Variants in TM4SF18 observed in about 807,000 individuals in gnomAD.
TM4SF18 encodes the protein transmembrane 4 L6 family member 18.
A neutral mutation model predicts 23.8 loss-of-function variants in TM4SF18; 22 were observed. The ratio of observed to expected loss-of-function variants is 0.92; its 90% CI spans 0.66 to 1.32. TM4SF18 has a LOEUF of 1.32. Ranked by LOEUF, TM4SF18 falls within the 40% of genes most tolerant of loss-of-function variation. The pLI is 0.00. For synonymous variants in TM4SF18, 87 were observed against 87.9 expected, an observed-to-expected ratio of 0.99 and a Z score of 0.06; for missense variants, 255 against 240.3, an observed-to-expected ratio of 1.06 and a Z score of -0.41.
At chr3:149,324,808 A>G (rs760247601) in intron 4 of TM4SF18, 72 bp downstream of exon 4, 1 of 1,587,616 alleles carries the variant, frequency 6.3e-7, no homozygotes, top group Non-Finnish European at 8.6e-7. Context: ...ATGGAAAATG[A>G]GCGTGAGCTT....
At position 149,318,675 on chromosome 3, in the gene TM4SF18, TA is replaced by T. The variant is rs1730727416; in HGVS notation, c.*2802del. 1 of 152,218 alleles carries T rather than the reference TA, an allele frequency of 6.6e-6. No individual in the cohort carries two copies. The highest frequency in any genetic ancestry group is 6.5e-5 in the Admixed American group (1 of 15,282). The allele number at this position is 152,218 out of a possible 1,614,324, so 9.4% of individuals were successfully genotyped here. ...ACTTATGCTTTCTTTTTTCAGCCTA[TA>T]GCATCTGGTCTCCCATCCAAGTAAT... is the stretch of plus-strand genomic sequence containing the variant. On this transcript the variant is annotated 3_prime_UTR_variant, in exon 6 of 6. Transcript: ENST00000296059.
At chr3:149,322,193 C>T in intron 5 of TM4SF18, 63 bp downstream of exon 5, 1 of 1,410,428 alleles carries the variant, frequency 7.1e-7, no homozygotes, top group Non-Finnish European at 9.7e-7. Context: ...CAAAAAGCCT[C>T]ATTGAATCCT....
At chr3:149,331,145 C>A (rs934265119) in intron 2 of TM4SF18, among the ~76,000 whole-genome samples, 1 of 152,034 alleles carries the variant, frequency 6.6e-6, no homozygotes, top group African/African-American at 2.4e-5. Flanking sequence ...AATTCTCCAC[C>A]CATTTTTTTA....
rs940874885 is a variant in TM4SF18 at position 149,321,097 on chromosome 3, TCTTTA to T, written c.*376_*380del. On this transcript the variant is annotated 3_prime_UTR_variant, in exon 6 of 6. Coordinates refer to ENST00000296059, the MANE Select transcript of TM4SF18 (RefSeq NM_138786.4). ...AGAAAACATTTACAGTATGTACCAC[TCTTTA>T]CTTAATCCTTCCTCTGAGTTTAGAA... The T allele has an allele frequency of 2.3e-4, 37 of 160,870 alleles. No individual in the cohort carries two copies. The highest frequency in any genetic ancestry group is 8.8e-4 in the African/African-American group (37 of 41,912). The allele number at this position is 160,870 out of a possible 1,614,324, so 10.0% of individuals were successfully genotyped here.
chr3:149,324,925 C>T lies in TM4SF18; in HGVS notation c.365G>A (p.Arg122His), dbSNP rs151260047. 2.8e-4 allele frequency: 452 copies of T among 1,614,114 alleles called. 1 individual carries two copies. In the South Asian group the frequency reaches 2.9e-3, roughly 10 times the overall value. ...AGCATACTCCCAGCCATCAAGGGTGCGGCAATATGGCCCTTGGACAAGACC... is the reference window on the plus strand; with the variant it reads ...AGCATACTCCCAGCCATCAAGGGTGTGGCAATATGGCCCTTGGACAAGACC... ...ALGLVQGPYCRTLDGWEYAFE... is the reference protein window; with the variant it reads ...ALGLVQGPYCHTLDGWEYAFE... The change falls in exon 4 of 6, where the codon CGC becomes CAC. Residue 122 changes from arginine to histidine, a missense_variant. Physicochemically the swap from Arg to His is conservative, Grantham distance 29. Coordinates refer to ENST00000296059, the MANE Select transcript of TM4SF18 (RefSeq NM_138786.4).
intron 3 of TM4SF18, among the ~76,000 whole-genome samples, chr3:149,326,734 A>T (rs1411508901): frequency 6.6e-6 from 1 of 152,104 alleles, no homozygotes; most frequent in African/African-American, 2.4e-5. Flanking sequence ...CTTCTAATTC[A>T]TTGTGCTATA....
At chr3:149,328,579 T>C (rs1417900652) in intron 3 of TM4SF18, among the ~76,000 whole-genome samples, 1 of 152,234 alleles carries the variant, frequency 6.6e-6, no homozygotes, top group East Asian at 1.9e-4. Context: ...TGAAGATTAA[T>C]TGCCAATATT....
chr3:149,322,012 G>A (rs1317196499), intron 5 of TM4SF18, among the ~76,000 whole-genome samples: 1 of 152,190 alleles, frequency 6.6e-6, no homozygotes, highest in Non-Finnish European at 1.5e-5. Flanking sequence ...AAACACTTAT[G>A]AAGCCTTACC....
chr3:149,332,069 G>A (rs574987895), intron 2 of TM4SF18, among the ~76,000 whole-genome samples: 1 of 152,182 alleles, frequency 6.6e-6, no homozygotes, highest in South Asian at 2.1e-4. Flanking sequence ...TGAGTCAAAC[G>A]ACATAAGCAT....
chr3:149,322,307 T>C lies in TM4SF18; in HGVS notation c.540A>G (p.Val180=), dbSNP rs564627290. 1.2e-6 allele frequency: 2 copies of C among 1,614,066 alleles called. No homozygotes were observed. Among genetic ancestry groups the C allele is most frequent in the Non-Finnish European group, 1.7e-6 (2 of 1,179,982 alleles). ...GLQVIICLIR[V]VMQLSKILCG... is the part of the protein sequence containing the mutation. ...ACAGTATCTTGGATAGTTGCATGAC[T>C]ACTCTGATGAGGCAGATGATCACTT... The change falls in exon 5 of 6, where the codon GTA becomes GTG. Residue 180 remains valine (V), a synonymous_variant. Coordinates refer to ENST00000296059, the MANE Select transcript of TM4SF18 (RefSeq NM_138786.4).
At chr3:149,329,918 T>A (rs1731053111) in intron 3 of TM4SF18, 1 of 153,340 alleles carries the variant, frequency 6.5e-6, no homozygotes, top group African/African-American at 2.4e-5. Flanking sequence ...CTTTGGGGGT[T>A]GGCAGAAATA....
In TM4SF18 at chr3:149,321,182, T is replaced by C; in HGVS notation, c.*296A>G. 1 of 259,370 alleles carries C rather than the reference T, an allele frequency of 3.9e-6. No homozygotes were observed. Among genetic ancestry groups the C allele is most frequent in the Non-Finnish European group, 7.4e-6 (1 of 135,274 alleles). 16.1% of individuals were successfully genotyped at this position (259,370 alleles called of 1,614,324 possible). A position where few individuals can be genotyped will look rare whatever the true frequency, so the allele number is the denominator to read the frequency against. On this transcript the variant is annotated 3_prime_UTR_variant, in exon 6 of 6. Coordinates refer to ENST00000296059, the MANE Select transcript of TM4SF18 (RefSeq NM_138786.4). ...TTAAATAATGTTGCAATATACATATTTGCATAAAGGTTTCTCTCATATTCT... is the reference window on the plus strand; with the variant it reads ...TTAAATAATGTTGCAATATACATATCTGCATAAAGGTTTCTCTCATATTCT...
intron 3 of TM4SF18, among the ~76,000 whole-genome samples, chr3:149,328,269 G>T (rs1731000240): frequency 6.6e-6 from 1 of 152,070 alleles, no homozygotes; most frequent in Admixed American, 6.6e-5. Flanking sequence ...CTCATAAATG[G>T]CACCTTCTAT....
At chr3:149,331,736 G>A (rs1283439056) in intron 2 of TM4SF18, among the ~76,000 whole-genome samples, 3 of 152,094 alleles carry the variant, frequency 2.0e-5, no homozygotes, top group African/African-American at 4.8e-5. Context: ...CACCACCCTC[G>A]TGAGTCTTCA....
Position 149,332,721 on chromosome 3 carries a change from A to G in TM4SF18, c.177+485T>C, listed in dbSNP as rs575102913. 3.3e-5 allele frequency among the ~76,000 whole-genome samples: 5 copies of G among 152,328 alleles called. No individual in the cohort carries two copies. The South Asian group carries it at 1.0e-3, about 32-fold the overall frequency. ...CATTAGAACACTGAGGCTCAAAGAT[A>G]CTGAGTAACTTGCTGAAGGTCTCAT... On this transcript the variant is annotated intron_variant, in intron 2 of 5. Coordinates refer to ENST00000296059, the MANE Select transcript of TM4SF18 (RefSeq NM_138786.4).
At position 149,322,284 on chromosome 3, in the gene TM4SF18, A is replaced by C. The variant is rs777502447; in HGVS notation, c.563T>G (p.Leu188Arg). ...IRVVMQLSKILCGSYSVIFQP... is the reference protein window; with the variant it reads ...IRVVMQLSKIRCGSYSVIFQP... ...GAAGATCACTGAATAGCTTCCACAC[A>C]GTATCTTGGATAGTTGCATGACTAC... The change falls in exon 5 of 6, where the codon CTG becomes CGG. Residue 188 changes from leucine to arginine, a missense_variant. Coordinates refer to ENST00000296059, the MANE Select transcript of TM4SF18 (RefSeq NM_138786.4). 6.2e-7 allele frequency: 1 copy of C among 1,613,778 alleles called. No individual in the cohort carries two copies. Among genetic ancestry groups the C allele is most frequent in the East Asian group, 2.2e-5 (1 of 44,842 alleles).
At position 149,333,530 on chromosome 3, in the gene TM4SF18, C is replaced by A; in HGVS notation, c.-35G>T. ...TTACCTACCACTTCCAGGGTCAGAG[C>A]CCTTCACTTCATATTCATGAGGAGA... On this transcript the variant is annotated 5_prime_UTR_variant, in exon 1 of 6. Coordinates refer to ENST00000296059, the MANE Select transcript of TM4SF18 (RefSeq NM_138786.4). The A allele has an allele frequency of 1.9e-6, 1 of 531,314 alleles. No individual in the cohort carries two copies. Among genetic ancestry groups the A allele is most frequent in the Non-Finnish European group, 3.0e-6 (1 of 334,352 alleles). The allele number at this position is 531,314 out of a possible 1,614,324, so 32.9% of individuals were successfully genotyped here. A position where few individuals can be genotyped will look rare whatever the true frequency, so the allele number is the denominator to read the frequency against.
At position 149,320,125 on chromosome 3, in the gene TM4SF18, A is replaced by T. The variant is rs1730772998; in HGVS notation, c.*1353T>A. ...CCAGCCTACTCCCTGGCTTTGGCACAGAGCAGGTGTTGACAGACCATTGTT... is the reference window on the plus strand; with the variant it reads ...CCAGCCTACTCCCTGGCTTTGGCACTGAGCAGGTGTTGACAGACCATTGTT... On this transcript the variant is annotated 3_prime_UTR_variant, in exon 6 of 6. Coordinates refer to ENST00000296059, the MANE Select transcript of TM4SF18 (RefSeq NM_138786.4). 1 of 152,370 alleles carries T rather than the reference A, an allele frequency of 6.6e-6. No homozygotes were observed. The allele number at this position is 152,370 out of a possible 1,614,324, so 9.4% of individuals were successfully genotyped here.
chr3:149,330,088 A>C (rs1464836861), intron 3 of TM4SF18: 2 of 303,270 alleles, frequency 6.6e-6, no homozygotes, highest in Admixed American at 5.0e-5. Context: ...GTTAGGAAAA[A>C]AAAGTATTAT....
Sources: gnomAD v4.1 joint callset for allele counts (sites outside exome capture counted in the v4.1 genomes callset) on GRCh38, gnomAD v4.1.1 for gene constraint, MANE v1.5 for transcripts, NCBI Gene and HGNC (gene_info 2026-07-23, HGNC 2026-07-21) for gene names.